Variants in POC5 observed in about 807,000 individuals in gnomAD.
The protein encoded by POC5 is centrosomal protein POC5.
Under a neutral mutation model 62.9 loss-of-function variants are expected in POC5, and 48 were observed. The ratio of observed to expected loss-of-function variants is 0.76; its 90% CI spans 0.61 to 0.97. POC5 has a LOEUF of 0.97. Ranked by LOEUF, POC5 falls within the 50% of genes least tolerant of loss-of-function variation. The pLI is 0.00. For missense variants in POC5, 696 were observed against 679.5 expected, an observed-to-expected ratio of 1.02 and a Z score of -0.27; for synonymous variants, 236 against 228.2, an observed-to-expected ratio of 1.03 and a Z score of -0.31.
chr5:75,696,615 CAG>C (rs1267105598), intron 5 of POC5, among the ~76,000 whole-genome samples: 1 of 152,134 alleles, frequency 6.6e-6, no homozygotes, highest in African/African-American at 2.4e-5. Flanking sequence ...GGGGAAAAAA[CAG>C]AGCAGAAAAA....
At chr5:75,715,297 G>A (rs1296661893) in intron 1 of POC5, among the ~76,000 whole-genome samples, 2 of 129,316 alleles carry the variant, frequency 1.5e-5, no homozygotes, top group Non-Finnish European at 1.6e-5. Context: ...GCGACAGAGT[G>A]AGACTCCGTC....
At chr5:75,705,906 G>A (rs1580056009) in intron 3 of POC5, 119 bp from the exon 4 acceptor site, 2 of 590,572 alleles carry the variant, frequency 3.4e-6, no homozygotes, top group Non-Finnish European at 5.7e-6. Flanking sequence ...AATACAACAT[G>A]CTGGGGATAT....
At chr5:75,712,284 T>C in intron 2 of POC5, 1 of 1,384,110 alleles carries the variant, frequency 7.2e-7, no homozygotes, top group Non-Finnish European at 1.0e-6. Flanking sequence ...ACTCCAGAAA[T>C]CTAAATCCAT....
At chr5:75,697,296 C>T (rs547552619) in intron 5 of POC5, among the ~76,000 whole-genome samples, 42 of 152,190 alleles carry the variant, frequency 2.8e-4, no homozygotes, top group Non-Finnish European at 4.9e-4. Flanking sequence ...ATGTTAAGGG[C>T]AGCCAGAGAG....
Position 75,690,376 on chromosome 5 carries a change from T to C in POC5, c.975+7A>G. On this transcript the variant is annotated splice_region_variant and intron_variant, in intron 8 of 11. Transcript: ENST00000428202. ...GAAGAAAGTGAAAACCAGAAAAAGA[T>C]GCTTACCATAGCAACTTTGGCTTCA... 1 of 1,598,900 alleles carries C rather than the reference T, an allele frequency of 6.3e-7. No homozygotes were observed.
At chr5:75,702,508 A>G (rs1776929569) in intron 5 of POC5, 97 bp downstream of exon 5, 3 of 1,172,012 alleles carry the variant, frequency 2.6e-6, no homozygotes, top group Non-Finnish European at 2.4e-6. Flanking sequence ...AAAGATTTTT[A>G]GAAAGTTTAA....
At chr5:75,697,100 G>T (rs530862179) in intron 5 of POC5, among the ~76,000 whole-genome samples, 3 of 152,284 alleles carry the variant, frequency 2.0e-5, no homozygotes, top group Non-Finnish European at 2.9e-5. Context: ...GAAAGTGATG[G>T]GGAGAATGGA....
At chr5:75,693,244 TA>T (rs909216479) in intron 6 of POC5, among the ~76,000 whole-genome samples, 29 of 150,438 alleles carry the variant, frequency 1.9e-4, no homozygotes, top group East Asian at 9.7e-4. Flanking sequence ...CTCTTGTTCT[TA>T]AAAAAAAATT....
At position 75,704,203 on chromosome 5, in the gene POC5, A is replaced by G. The variant is rs1467506749; in HGVS notation, c.308-1393T>C. ...GAAAGAAAAGTTAATATTTTCTCAC[A>G]TATTTATGCTGGAATTAGAGACTAT... On this transcript the variant is annotated intron_variant, in intron 4 of 11. Coordinates refer to ENST00000428202, the MANE Select transcript of POC5 (RefSeq NM_001099271.2). Among the ~76,000 whole-genome samples, 3 of 152,058 alleles carry G rather than the reference A, an allele frequency of 2.0e-5. No individual in the cohort carries two copies. The East Asian group carries it at 5.8e-4, about 29-fold the overall frequency.
intron 10 of POC5, among the ~76,000 whole-genome samples, chr5:75,679,770 G>C (rs556497751): frequency 1.3e-5 from 2 of 152,242 alleles, no homozygotes; most frequent in African/African-American, 2.4e-5. Context: ...TGAAGAGAGA[G>C]AGAAGGAATA....
At chr5:75,688,963 T>C in intron 9 of POC5, 49 bp downstream of exon 9, 1 of 1,477,714 alleles carries the variant, frequency 6.8e-7, no homozygotes, top group African/African-American at 1.4e-5. Context: ...CAAAATCTCC[T>C]CAAATCTTTT....
chr5:75,689,474 A>G, intron 8 of POC5: 2 of 984,194 alleles, frequency 2.0e-6, no homozygotes, highest in Non-Finnish European at 2.4e-6. Flanking sequence ...TAAAACTTTT[A>G]TGTAGGATGT....
At chr5:75,701,459 C>T (rs1481124364) in intron 5 of POC5, among the ~76,000 whole-genome samples, 2 of 138,088 alleles carry the variant, frequency 1.4e-5, no homozygotes, top group African/African-American at 5.2e-5. Flanking sequence ...TCTCAGTAAA[C>T]TATCGCAAGA....
intron 5 of POC5, among the ~76,000 whole-genome samples, chr5:75,697,190 C>G (rs1323318916): frequency 6.6e-6 from 1 of 152,100 alleles, no homozygotes; most frequent in East Asian, 1.9e-4. Flanking sequence ...CGCTCAGATT[C>G]AGGAAATACA....
intron 8 of POC5, among the ~76,000 whole-genome samples, chr5:75,690,098 T>C (rs1288479011): frequency 6.6e-6 from 1 of 152,136 alleles, no homozygotes; most frequent in Non-Finnish European, 1.5e-5. Context: ...CAGGCTGGTC[T>C]CAAACTCCTG....
intron 4 of POC5, among the ~76,000 whole-genome samples, chr5:75,703,768 T>C (rs1777001513): frequency 6.6e-6 from 1 of 152,164 alleles, no homozygotes; most frequent in Non-Finnish European, 1.5e-5. Flanking sequence ...TCTCTATATG[T>C]ATGTGCATAT....
At chr5:75,699,102 G>A (rs1431333531) in intron 5 of POC5, among the ~76,000 whole-genome samples, 1 of 152,136 alleles carries the variant, frequency 6.6e-6, no homozygotes, top group Non-Finnish European at 1.5e-5. Flanking sequence ...AAAGAGTCCA[G>A]GACCAGATGG....
intron 5 of POC5, among the ~76,000 whole-genome samples, chr5:75,696,925 T>C (rs1370740023): frequency 1.7e-4 from 26 of 151,834 alleles, no homozygotes; most frequent in Admixed American, 5.2e-4. Flanking sequence ...CCTCAGGAGC[T>C]GATGCGATCA....
At chr5:75,696,031 A>G (rs1776563077) in intron 5 of POC5, 1 of 152,698 alleles carries the variant, frequency 6.5e-6, no homozygotes, top group Admixed American at 6.5e-5. Context: ...GCAACAGAAG[A>G]TTATATCCCT....
Sources: gnomAD v4.1 joint callset for allele counts (sites outside exome capture counted in the v4.1 genomes callset) on GRCh38, gnomAD v4.1.1 for gene constraint, MANE v1.5 for transcripts, NCBI Gene and HGNC (gene_info 2026-07-23, HGNC 2026-07-21) for gene names.